Variants in EPB41L4B observed in about 807,000 individuals in gnomAD.
EPB41L4B encodes the protein band 4.1-like protein 4B.
EPB41L4B carries 30 observed loss-of-function variants against 112.5 expected under a neutral mutation model. That is an observed-to-expected ratio of 0.27 (90% confidence interval 0.20 to 0.36). The LOEUF (loss-of-function observed/expected upper bound fraction) is 0.36, where lower values mean the gene tolerates loss of function less well. Among genes scored for constraint, EPB41L4B ranks in the 10% least tolerant of loss-of-function variants. The pLI is 1.00. For missense variants in EPB41L4B, 1,024 were observed against 1,133.3 expected (o/e 0.90, Z 1.38); for synonymous variants, 408 against 439.7 (o/e 0.93, Z 0.90).
intron 22 of EPB41L4B, 118 bp downstream of exon 22, chr9:109,192,160 T>A: frequency 1.2e-6 from 1 of 801,854 alleles, no homozygotes; most frequent in Non-Finnish European, 2.0e-6. Context: ...TCCCTGAGCC[T>A]CCAGGACAAG....
intron 19 of EPB41L4B, 91 bp downstream of exon 19, chr9:109,203,572 T>C: frequency 9.5e-7 from 1 of 1,048,212 alleles, no homozygotes; most frequent in Non-Finnish European, 1.5e-6. Flanking sequence ...CCTCTGATTT[T>C]ATCAGCTAAT....
intron 17 of EPB41L4B, among the ~76,000 whole-genome samples, chr9:109,210,270 A>G (rs927109251): frequency 6.6e-6 from 1 of 152,238 alleles, no homozygotes; most frequent in African/African-American, 2.4e-5. Flanking sequence ...GGTTTACAGT[A>G]TACCCTTAAG....
At chr9:109,206,309 G>A (rs890022131) in intron 18 of EPB41L4B, among the ~76,000 whole-genome samples, 3 of 151,990 alleles carry the variant, frequency 2.0e-5, no homozygotes, top group Non-Finnish European at 2.9e-5. Context: ...TCAGCCTCCC[G>A]AGTAGTAGGA....
intron 15 of EPB41L4B, chr9:109,239,850 G>A (rs1019681763): frequency 1.0e-5 from 10 of 985,294 alleles, no homozygotes; most frequent in East Asian, 1.1e-4. Context: ...GGACAAACAC[G>A]TACCTTTACA....
intron 1 of EPB41L4B, among the ~76,000 whole-genome samples, chr9:109,310,759 C>T (rs1019024663): frequency 2.0e-5 from 3 of 152,118 alleles, no homozygotes; most frequent in East Asian, 3.9e-4. Flanking sequence ...TGGGTAGGAC[C>T]GAGTTAAGAC....
rs1278867973 is a variant in EPB41L4B, at chr9:109,267,454, G to A, written c.533+19C>T. On this transcript the variant is annotated intron_variant, in intron 4 of 25. Transcript: ENST00000374566. ...GGCAAGCCCTGCTGGGCGGGAGCTT[G>A]TTCTGCATCGTGGCCTACCTTGTAA... 6.3e-7 allele frequency: 1 copy of A among 1,577,838 alleles called. No homozygotes were observed. The highest frequency in any genetic ancestry group is 1.7e-5 in the Admixed American group (1 of 59,352).
At chr9:109,240,597 T>C (rs1288890306) in intron 15 of EPB41L4B, 2 of 985,286 alleles carry the variant, frequency 2.0e-6, no homozygotes, top group Non-Finnish European at 2.4e-6. Context: ...GAAATAAATA[T>C]TTTGGTACAA....
intron 20 of EPB41L4B, among the ~76,000 whole-genome samples, 172 bp downstream of exon 20, chr9:109,200,064 C>A (rs1311622131): frequency 1.3e-5 from 2 of 152,102 alleles, no homozygotes; most frequent in Non-Finnish European, 2.9e-5. Flanking sequence ...CTTATGCTAA[C>A]TATGTAAGGT....
chr9:109,309,773 G>A (rs1202616566), intron 1 of EPB41L4B, among the ~76,000 whole-genome samples: 3 of 151,622 alleles, frequency 2.0e-5, no homozygotes, highest in Non-Finnish European at 4.4e-5. Context: ...GAGAGAGAGA[G>A]AGAGAGAGAG....
chr9:109,315,382 G>C (rs557725580), intron 1 of EPB41L4B, among the ~76,000 whole-genome samples: 10 of 152,084 alleles, frequency 6.6e-5, no homozygotes, highest in African/African-American at 2.4e-4. Context: ...AATTTTAATG[G>C]AAGAAAAAAA....
chr9:109,258,406 C>T, intron 6 of EPB41L4B, 109 bp from the exon 7 acceptor site: 2 of 1,172,316 alleles, frequency 1.7e-6, no homozygotes, highest in Non-Finnish European at 2.5e-6. Context: ...AGCCCCCCGC[C>T]CCAATGTATA....
chr9:109,192,218 A>T, intron 22 of EPB41L4B, 60 bp downstream of exon 22: 1 of 1,366,584 alleles, frequency 7.3e-7, no homozygotes, highest in Non-Finnish European at 1.0e-6. Context: ...CATCCGTCCC[A>T]CTGCCAAGAT....
chr9:109,194,890 C>G (rs1249401140), intron 20 of EPB41L4B, among the ~76,000 whole-genome samples: 1 of 152,188 alleles, frequency 6.6e-6, no homozygotes, highest in Non-Finnish European at 1.5e-5. Context: ...ATCACACACT[C>G]TATGTTCCTC....
intron 16 of EPB41L4B, among the ~76,000 whole-genome samples, chr9:109,214,624 A>T (rs980874753): frequency 1.3e-5 from 2 of 152,216 alleles, no homozygotes; most frequent in Non-Finnish European, 2.9e-5. Context: ...GGTGGGGAAA[A>T]GTATTCCAGG....
At chr9:109,291,149 C>G (rs961796287) in intron 1 of EPB41L4B, among the ~76,000 whole-genome samples, 1 of 152,140 alleles carries the variant, frequency 6.6e-6, no homozygotes, top group South Asian at 2.1e-4. Flanking sequence ...CAGTTCATAC[C>G]GCTTATAAGT....
At chr9:109,263,894 T>G (rs893919) in intron 5 of EPB41L4B, among the ~76,000 whole-genome samples, 141,359 of 152,246 alleles carry the variant, frequency 0.93, 65,811 homozygotes, top group East Asian at 1. Context: ...ATTCTGCTTT[T>G]AAATACAAAG....
intron 6 of EPB41L4B, 106 bp from the exon 7 acceptor site, chr9:109,258,403 C>A: frequency 8.4e-7 from 1 of 1,190,512 alleles, no homozygotes; most frequent in South Asian, 1.4e-5. Context: ...CACAGCCCCC[C>A]GCCCCAATGT....
chr9:109,268,954 G>A (rs532167131), intron 2 of EPB41L4B, among the ~76,000 whole-genome samples: 1 of 151,716 alleles, frequency 6.6e-6, no homozygotes, highest in South Asian at 2.1e-4. Context: ...TTTCTGGGGA[G>A]GGGACTCCCT....
At chr9:109,302,075 C>T (rs983105246) in intron 1 of EPB41L4B, among the ~76,000 whole-genome samples, 3 of 152,160 alleles carry the variant, frequency 2.0e-5, no homozygotes, top group Non-Finnish European at 4.4e-5. Flanking sequence ...TTTCAACATC[C>T]CCAGAGAAGC....
Sources: allele counts gnomAD v4.1 joint callset (sites outside exome capture counted in the v4.1 genomes callset), GRCh38; gene constraint gnomAD v4.1.1; transcripts MANE v1.5; gene names NCBI Gene and HGNC (gene_info 2026-07-23, HGNC 2026-07-21).